The following LIN54 variants were observed in gnomAD, a reference collection of about 807,000 sequenced individuals.
The protein encoded by LIN54 is protein lin-54 homolog.
Under a neutral mutation model 78.7 loss-of-function variants are expected in LIN54, and 9 were observed. The observed-to-expected ratio is 0.11, with a 90% CI of 0.07 to 0.20. LIN54 has a LOEUF of 0.20. Ranked by LOEUF, LIN54 falls within the 10% of genes least tolerant of loss-of-function variation. The pLI is 1.00. For missense variants in LIN54, 573 were observed against 889.9 expected, an observed-to-expected ratio of 0.64 and a Z score of 4.53; for synonymous variants, 269 against 318.4, an observed-to-expected ratio of 0.84 and a Z score of 1.65.
intron 1 of LIN54, among the ~76,000 whole-genome samples, chr4:82,995,826 T>G (rs1187441381): frequency 1.3e-5 from 2 of 150,680 alleles, no homozygotes; most frequent in African/African-American, 4.9e-5. Flanking sequence ...CAGGGTCACA[T>G]GCAGGGCATG....
chr4:82,963,018 A>G (rs1428430883), intron 4 of LIN54, among the ~76,000 whole-genome samples: 1 of 152,088 alleles, frequency 6.6e-6, no homozygotes, highest in Non-Finnish European at 1.5e-5. Context: ...AAAAGAAATG[A>G]GCAACAACAA....
At chr4:82,996,522 C>T (rs1223233825) in intron 1 of LIN54, among the ~76,000 whole-genome samples, 1 of 152,058 alleles carries the variant, frequency 6.6e-6, no homozygotes, top group Non-Finnish European at 1.5e-5. Flanking sequence ...TCTCCTGTCT[C>T]AGCCTCCCAA....
At chr4:82,956,947 T>C (rs1017382543) in intron 4 of LIN54, among the ~76,000 whole-genome samples, 3 of 152,150 alleles carry the variant, frequency 2.0e-5, no homozygotes, top group African/African-American at 7.2e-5. Context: ...TTATCCTGGC[T>C]AATGGGTACT....
Position 82,952,510 on chromosome 4 carries a change from G to A in LIN54, c.952-6036C>T, listed in dbSNP as rs192881306. Among the ~76,000 whole-genome samples the A allele has an allele frequency of 9.3e-4, 141 of 152,272 alleles. 1 individual carries two copies. The highest frequency in any genetic ancestry group is 3.3e-3 in the African/African-American group (136 of 41,562). On this transcript the variant is annotated intron_variant, in intron 4 of 12. Transcript: ENST00000340417. ...ACTGGAATCTTTATGCACTGTTGAT[G>A]AGAATATAAAATAGTACACTGTGGA...
chr4:82,983,317 A>G (rs1726837873), intron 2 of LIN54, among the ~76,000 whole-genome samples: 1 of 152,080 alleles, frequency 6.6e-6, no homozygotes, highest in South Asian at 2.1e-4. Context: ...CCCGCCGATC[A>G]CTGCATTTCC....
At chr4:83,007,496 G>T (rs1729500006) in intron 1 of LIN54, among the ~76,000 whole-genome samples, 1 of 152,100 alleles carries the variant, frequency 6.6e-6, no homozygotes, top group Non-Finnish European at 1.5e-5. Context: ...GGGTTACTGT[G>T]AAGATAGTTA....
In LIN54 at chr4:82,996,193, A is replaced by T. The variant is rs1728204335; in HGVS notation, c.-32-11317T>A. On this transcript the variant is annotated intron_variant, in intron 1 of 12. Transcript: ENST00000340417. ...TGTCCACACAGTTACATGATCCATCATGCTATTTTATCTCTTAGGAATGGA... is the reference window on the plus strand; with the variant it reads ...TGTCCACACAGTTACATGATCCATCTTGCTATTTTATCTCTTAGGAATGGA... Among the ~76,000 whole-genome samples the T allele has an allele frequency of 1.3e-5, 2 of 152,024 alleles. 1 individual carries two copies. The highest frequency in any genetic ancestry group is 4.1e-4 in the South Asian group (2 of 4,824).
At chr4:82,982,980 G>A (rs954307410) in intron 2 of LIN54, among the ~76,000 whole-genome samples, 1 of 150,554 alleles carries the variant, frequency 6.6e-6, no homozygotes, top group African/African-American at 2.4e-5. Context: ...TTTGTTTCCT[G>A]GTCATAAGTA....
Position 82,936,137 on chromosome 4 carries a change from T to C in LIN54, c.1708-19A>G. On this transcript the variant is annotated intron_variant, in intron 10 of 12. Coordinates refer to ENST00000340417, the MANE Select transcript of LIN54 (RefSeq NM_194282.4). ...GGCATGCCTAGCAAAACAGATCAAA[T>C]ATCAGTTAGAGTTAAATCACAGTAG... 1 of 1,613,730 alleles carries C rather than the reference T, an allele frequency of 6.2e-7. No individual in the cohort carries two copies. The highest frequency in any genetic ancestry group is 8.5e-7 in the Non-Finnish European group (1 of 1,179,658).
chr4:82,937,705 G>A (rs1029434365), intron 8 of LIN54, among the ~76,000 whole-genome samples: 1 of 152,232 alleles, frequency 6.6e-6, no homozygotes, highest in Non-Finnish European at 1.5e-5. Context: ...GGAGTGTGTG[G>A]AGGAGGAAAT....
intron 4 of LIN54, among the ~76,000 whole-genome samples, chr4:82,962,413 A>T (rs976085414): frequency 7.9e-5 from 12 of 152,340 alleles, no homozygotes; most frequent in Admixed American, 6.5e-4. Flanking sequence ...GTATAAACTT[A>T]AAAAAATTTA....
chr4:83,005,496 G>A (rs938682533), intron 1 of LIN54, among the ~76,000 whole-genome samples: 5 of 151,994 alleles, frequency 3.3e-5, no homozygotes, highest in Admixed American at 2.6e-4. Flanking sequence ...GGGCATGGTG[G>A]AGTGCACCTG....
chr4:83,007,733 C>T (rs1194879994), intron 1 of LIN54, among the ~76,000 whole-genome samples: 4 of 151,980 alleles, frequency 2.6e-5, no homozygotes, highest in African/African-American at 4.8e-5. Context: ...ACCAAAAATA[C>T]AAAAAATTAA....
At chr4:82,998,189 A>G (rs1728404304) in intron 1 of LIN54, among the ~76,000 whole-genome samples, 1 of 151,728 alleles carries the variant, frequency 6.6e-6, no homozygotes, top group South Asian at 2.1e-4. Flanking sequence ...TCATTCTTGT[A>G]CATAAAGTAC....
At chr4:82,977,789 A>G (rs1009231079) in intron 3 of LIN54, among the ~76,000 whole-genome samples, 1 of 152,242 alleles carries the variant, frequency 6.6e-6, no homozygotes, top group Non-Finnish European at 1.5e-5. Flanking sequence ...GCTTTCATAT[A>G]AGCCTTTAGC....
chr4:83,010,712 C>T lies in LIN54; in HGVS notation c.-261G>A, dbSNP rs1729802019. ...GCCGCCGCCTCTGGTATGTCAGGGG[C>T]CGGGATTGTATTTCGAAAGATCCGC... is the stretch of plus-strand genomic sequence containing the variant. On this transcript the variant is annotated 5_prime_UTR_variant, in exon 1 of 13. Transcript: ENST00000340417. The T allele has an allele frequency of 5.9e-6, 7 of 1,185,466 alleles. No homozygotes were observed. Among genetic ancestry groups the T allele is most frequent in the Non-Finnish European group, 7.3e-6 (7 of 960,742 alleles). 73.4% of individuals were successfully genotyped at this position (1,185,466 alleles called of 1,614,324 possible).
Position 83,002,133 on chromosome 4 carries a change from C to A in LIN54, c.-33+8351G>T, listed in dbSNP as rs146686033. 3.3e-5 allele frequency among the ~76,000 whole-genome samples: 5 copies of A among 150,984 alleles called. No individual in the cohort carries two copies. In the East Asian group the frequency reaches 7.8e-4, roughly 24 times the overall value. The stretch of plus-strand genomic sequence containing the variant: ...AGAAAACGAACTGACAGTAGACAAT[C>A]GGCATTATTCAAGACTGCTTTTGAA... On this transcript the variant is annotated intron_variant, in intron 1 of 12. Coordinates refer to ENST00000340417, the MANE Select transcript of LIN54 (RefSeq NM_194282.4).
intron 4 of LIN54, among the ~76,000 whole-genome samples, chr4:82,961,121 G>A (rs901508536): frequency 2.6e-5 from 4 of 152,008 alleles, no homozygotes; most frequent in African/African-American, 7.3e-5. Flanking sequence ...TGAACACATA[G>A]TAAAGTCTAG....
chr4:82,948,112 GA>G (rs1723552416), intron 4 of LIN54, among the ~76,000 whole-genome samples: 1 of 152,038 alleles, frequency 6.6e-6, no homozygotes, highest in African/African-American at 2.4e-5. Flanking sequence ...TATAAATATG[GA>G]AGCTACTGAA....
Sources: gnomAD v4.1 joint callset for allele counts (sites outside exome capture counted in the v4.1 genomes callset) on GRCh38, gnomAD v4.1.1 for gene constraint, MANE v1.5 for transcripts, NCBI Gene and HGNC (gene_info 2026-07-23, HGNC 2026-07-21) for gene names.